The following NUP155 variants were observed in gnomAD, a reference collection of about 807,000 sequenced individuals.
The protein encoded by NUP155 is nucleoporin 155.
NUP155 carries 71 observed loss-of-function variants against 180.4 expected under a neutral mutation model. The observed-to-expected ratio is 0.39, with a 90% CI of 0.33 to 0.48. The LOEUF is 0.48. Among genes scored for constraint, NUP155 ranks in the 20% least tolerant of loss-of-function variants. The pLI is 0.91. For missense variants in NUP155, 1,553 were observed against 1,648.9 expected (o/e 0.94, Z 1.01); for synonymous variants, 582 against 559.5 (o/e 1.04, Z -0.57).
chr5:37,301,462 T>C lies in NUP155; in HGVS notation c.3536A>G (p.Asp1179Gly), dbSNP rs1415694905. ...CTTAGTTATGTCCATCAGCTCAGAA[T>C]CCAGCTGAGAAACTGCATCCTGTAC... ...SSVQDAVSQLDSELMDITKLY... is the reference protein window; with the variant it reads ...SSVQDAVSQLGSELMDITKLY... The change falls in exon 30 of 35, where the codon GAT (aspartate) becomes GGT (glycine). Residue 1179 changes from aspartate (D) to glycine (G), a missense_variant. Asp to Gly is a moderately conservative substitution (Grantham distance 94, BLOSUM62 -1). Coordinates refer to ENST00000231498, the MANE Select transcript of NUP155 (RefSeq NM_153485.3). 1 of 1,610,966 alleles carries C rather than the reference T, an allele frequency of 6.2e-7. No homozygotes were observed.
chr5:37,320,012 A>G (rs1249813506), intron 20 of NUP155, among the ~76,000 whole-genome samples: 2 of 151,628 alleles, frequency 1.3e-5, no homozygotes, highest in African/African-American at 4.8e-5. Context: ...GTGAGACCCT[A>G]TCTCTGAGAA....
intron 11 of NUP155, among the ~76,000 whole-genome samples, chr5:37,340,168 C>T (rs766225288): frequency 2.0e-5 from 3 of 152,080 alleles, no homozygotes; most frequent in African/African-American, 4.8e-5. Context: ...GCCAGGTGCA[C>T]GGTGGCTCAT....
rs1744573850 is a variant in NUP155, at chr5:37,325,925, C to A, written c.2067G>T (p.Lys689Asn). ...CTGCAGTGATCTCTCTGTTGCCACT[C>A]TTGAATATTCTCTCCACAACTAAGC... ...DASLVVERIF[K>N]SGNREITAIE... Residue 689 changes from lysine (K) to asparagine (N), a missense_variant, in exon 19 of 35, where the codon AAG (lysine) becomes AAT (asparagine). Lys to Asn is a moderately conservative substitution (Grantham distance 94). Transcript: ENST00000231498. 1.5e-5 allele frequency: 24 copies of A among 1,611,154 alleles called. No homozygotes were observed. The highest frequency in any genetic ancestry group is 2.0e-5 in the Non-Finnish European group (24 of 1,178,378).
intron 11 of NUP155, among the ~76,000 whole-genome samples, chr5:37,339,213 G>A (rs1357760699): frequency 6.7e-6 from 1 of 150,174 alleles, no homozygotes; most frequent in Admixed American, 6.7e-5. Flanking sequence ...AACAAAACAT[G>A]AGGCAGGAGG....
chr5:37,341,237 T>A lies in NUP155; in HGVS notation c.1099A>T (p.Arg367Trp). The change falls in exon 11 of 35, where the codon AGG (arginine) becomes TGG (tryptophan). Residue 367 changes from arginine to tryptophan, a missense_variant. Transcript: ENST00000231498. ...AATGGACAAGTGCTAAAATATAACC[T>A]AACACCTGAAGATGGGGTAAAATTA... ...QLLAVTHAGV[R>W]LYFSTCPFRQ... The A allele has an allele frequency of 6.2e-7, 1 of 1,613,814 alleles. No individual in the cohort carries two copies. The highest frequency in any genetic ancestry group is 8.5e-7 in the Non-Finnish European group (1 of 1,179,750).
Position 37,309,274 on chromosome 5 carries a change from G to C in NUP155, c.2629-7C>G, listed in dbSNP as rs200054361. 10 of 1,609,188 alleles carry C rather than the reference G, an allele frequency of 6.2e-6. No homozygotes were observed. The highest frequency in any genetic ancestry group is 3.3e-5 in the Admixed American group (2 of 59,774). On this transcript the variant is annotated splice_region_variant and splice_polypyrimidine_tract_variant and intron_variant, in intron 23 of 34. Transcript: ENST00000231498. Reference sequence around the variant, plus strand: ...GCTGGAGAAGCTCATTTGCCTAGAAGAGGAGATAACAAGAACTTAAAAATA... The same window carrying C: ...GCTGGAGAAGCTCATTTGCCTAGAACAGGAGATAACAAGAACTTAAAAATA...
intron 9 of NUP155, among the ~76,000 whole-genome samples, chr5:37,344,849 G>A (rs1164703077): frequency 1.3e-5 from 2 of 149,672 alleles, no homozygotes; most frequent in Admixed American, 1.3e-4. Context: ...TCCAGCCTGG[G>A]TGACAGAGCA....
chr5:37,352,985 T>A (rs1321718871), intron 4 of NUP155, among the ~76,000 whole-genome samples, 156 bp from the exon 5 acceptor site: 6 of 152,134 alleles, frequency 3.9e-5, no homozygotes, highest in Non-Finnish European at 7.3e-5. Flanking sequence ...TTATTATGTA[T>A]GATCATTTAA....
chr5:37,319,246 G>A (rs1581154945), intron 20 of NUP155, among the ~76,000 whole-genome samples: 1 of 152,220 alleles, frequency 6.6e-6, no homozygotes, highest in Non-Finnish European at 1.5e-5. Context: ...GATAATGGAA[G>A]TGTGCTAAAA....
intron 12 of NUP155, among the ~76,000 whole-genome samples, chr5:37,336,961 G>A (rs1397737666): frequency 1.3e-5 from 2 of 152,208 alleles, no homozygotes; most frequent in East Asian, 3.8e-4. Context: ...TAGCTCTAAA[G>A]ACAGAGTACC....
intron 31 of NUP155, 107 bp downstream of exon 31, chr5:37,299,341 T>C (rs1217491320): frequency 7.3e-7 from 1 of 1,373,584 alleles, no homozygotes; most frequent in East Asian, 2.3e-5. Flanking sequence ...TATACACAAT[T>C]TTCATGAGCC....
In NUP155 at chr5:37,294,358, C is replaced by G. The variant is rs772980908; in HGVS notation, c.3901G>C (p.Glu1301Gln). Residue 1301 changes from glutamate (E) to glutamine (Q), a missense_variant, in exon 33 of 35, where the codon GAA becomes CAA. Physicochemically the swap from Glu to Gln is conservative, Grantham distance 29. Transcript: ENST00000231498. ...EIGVPLPRLL[E>Q]VYDQLFKSRD... is the part of the protein sequence containing the mutation. The stretch of plus-strand genomic sequence containing the variant: ...GATTTGAACAACTGATCATAAACTT[C>G]TAGTAGTCTAGGTAATGGTACTCCA... 1.3e-6 allele frequency: 2 copies of G among 1,598,802 alleles called. No individual in the cohort carries two copies. Among genetic ancestry groups the G allele is most frequent in the South Asian group, 1.1e-5 (1 of 90,470 alleles).
chr5:37,327,900 T>A, intron 17 of NUP155, 124 bp from the exon 18 acceptor site: 1 of 1,048,848 alleles, frequency 9.5e-7, no homozygotes. Context: ...AGAATTCTCA[T>A]AACCCAAGTT....
At chr5:37,347,183 G>A (rs1746148713) in intron 9 of NUP155, among the ~76,000 whole-genome samples, 2 of 152,106 alleles carry the variant, frequency 1.3e-5, no homozygotes, top group Admixed American at 6.6e-5. Flanking sequence ...AGCTGAGATG[G>A]AGCCACTGCA....
In NUP155 at chr5:37,295,460, G is replaced by A. The variant is rs570353112; in HGVS notation, c.3794-995C>T. On this transcript the variant is annotated intron_variant, in intron 32 of 34. Transcript: ENST00000231498. Reference sequence around the variant, plus strand: ...AGTGCCGAGATTGCAGCCTCTGCCCGGCCGCCACCCTGTCTGGGAAGTGAG... The same window carrying A: ...AGTGCCGAGATTGCAGCCTCTGCCCAGCCGCCACCCTGTCTGGGAAGTGAG... Among the ~76,000 whole-genome samples the A allele has an allele frequency of 3.8e-3, 579 of 151,862 alleles. 4 individuals carry two copies. The highest frequency in any genetic ancestry group is 0.013 in the African/African-American group (549 of 41,376).
rs776208595 is a variant in NUP155, at chr5:37,330,109, G to A, written c.1653C>T (p.Cys551=). 1.6e-4 allele frequency: 265 copies of A among 1,613,030 alleles called. 1 individual carries two copies. The highest frequency in any genetic ancestry group is 5.1e-6 in the Non-Finnish European group (6 of 1,179,516). The change falls in exon 15 of 35, where the codon TGC becomes TGT. Residue 551 remains cysteine, a synonymous_variant. Transcript: ENST00000231498. Reference sequence around the variant, plus strand: ...CAGCAGTGGAGCAAGCAAGAATAAGGCAAGTTGCACAAGCCTGGTCTTCCT... The same window carrying A: ...CAGCAGTGGAGCAAGCAAGAATAAGACAAGTTGCACAAGCCTGGTCTTCCT... ...LHQEDQACAT[C]LILACSTAAC...
intron 5 of NUP155, among the ~76,000 whole-genome samples, chr5:37,351,701 G>T (rs1217169929): frequency 1.3e-5 from 2 of 150,950 alleles, no homozygotes; most frequent in Admixed American, 6.6e-5. Flanking sequence ...CGCCTGCCTC[G>T]GCCTCCCAGA....
intron 12 of NUP155, 113 bp downstream of exon 12, chr5:37,337,705 A>G (rs936887394): frequency 1.5e-5 from 10 of 655,678 alleles, no homozygotes; most frequent in Non-Finnish European, 8.2e-6. Flanking sequence ...ATAATTTCTA[A>G]TAATACGTTA....
At chr5:37,330,650 T>C (rs1284458009) in intron 14 of NUP155, among the ~76,000 whole-genome samples, 1 of 152,184 alleles carries the variant, frequency 6.6e-6, no homozygotes, top group Non-Finnish European at 1.5e-5. Context: ...ATTTTAACCG[T>C]ATCAATTCCA....
Sources: gnomAD v4.1 joint callset for allele counts (sites outside exome capture counted in the v4.1 genomes callset) on GRCh38, gnomAD v4.1.1 for gene constraint, MANE v1.5 for transcripts, NCBI Gene and HGNC (gene_info 2026-07-23, HGNC 2026-07-21) for gene names.